Variants in MLXIPL observed in about 807,000 individuals in gnomAD.
The protein encoded by MLXIPL is MLX interacting protein like.
MLXIPL carries 49 observed loss-of-function variants against 81.5 expected under a neutral mutation model. That is an observed-to-expected ratio of 0.60 (90% CI 0.48 to 0.76). The LOEUF is 0.76. Among genes scored for constraint, MLXIPL ranks in the 30% least tolerant of loss-of-function variants. The pLI is 0.00. For missense variants in MLXIPL, 1,053 were observed against 1,167.0 expected (o/e 0.90, Z 1.42); for synonymous variants, 466 against 485.5 (o/e 0.96, Z 0.53).
the MLXIPL span, among the ~76,000 whole-genome samples, chr7:73,641,867 C>T: frequency 6.6e-6 from 1 of 152,070 alleles, no homozygotes. Flanking sequence ...AACTCCTGAC[C>T]TCATGATCCG....
chr7:73,624,186 G>T lies in MLXIPL; in HGVS notation c.293+14C>A, dbSNP rs781882456. 1.1e-5 allele frequency: 14 copies of T among 1,220,434 alleles called. No individual in the cohort carries two copies. In the South Asian group the frequency reaches 1.9e-4, roughly 16 times the overall value. 75.6% of individuals were successfully genotyped at this position (1,220,434 alleles called of 1,614,324 possible). A position where few individuals can be genotyped will look rare whatever the true frequency, so the allele number is the denominator to read the frequency against. On this transcript the variant is annotated intron_variant, in intron 1 of 16. Coordinates refer to ENST00000313375, the MANE Select transcript of MLXIPL (RefSeq NM_032951.3). ...CTGGAAGCCAAGGCCGTCAGGGCCCGGAACCGCCCTCACCTGTAGGCCAGG... is the reference window on the plus strand; with the variant it reads ...CTGGAAGCCAAGGCCGTCAGGGCCCTGAACCGCCCTCACCTGTAGGCCAGG...
the MLXIPL span, among the ~76,000 whole-genome samples, chr7:73,642,268 C>T: frequency 6.6e-6 from 1 of 152,130 alleles, no homozygotes; most frequent in Non-Finnish European, 1.5e-5. Flanking sequence ...GCATCACCCT[C>T]CTAGCACCTT....
upstream of MLXIPL, among the ~76,000 whole-genome samples, chr7:73,627,588 AG>A (rs1554604041): frequency 6.6e-6 from 1 of 152,062 alleles, no homozygotes; most frequent in Non-Finnish European, 1.5e-5. Context: ...CCCTTGGTAC[AG>A]AGGCTGACAG....
At chr7:73,641,149 C>T in the MLXIPL span, among the ~76,000 whole-genome samples, 1 of 152,030 alleles carries the variant, frequency 6.6e-6, no homozygotes. Flanking sequence ...CAAAAATTAG[C>T]CAGGTGTAGT....
Position 73,596,371 on chromosome 7 carries a change from C to T in MLXIPL, c.1931G>A (p.Ser644Asn), listed in dbSNP as rs1206223458. 1.2e-6 allele frequency: 2 copies of T among 1,612,684 alleles called. No individual in the cohort carries two copies. Among genetic ancestry groups the T allele is most frequent in the East Asian group, 2.2e-5 (1 of 44,836 alleles). ...QPILSRGRPD[S>N]NKTENRRITH... ...GTGGGGGATGGTGCCCACCTTGTTG[C>T]TGTCTGGACGGCCCCGGCTGAGGAT... is the stretch of plus-strand genomic sequence containing the variant. The change falls in exon 12 of 17, where the codon AGC becomes AAC. Residue 644 changes from serine (S) to asparagine (N), a missense_variant. By Grantham distance (46) the Ser-to-Asn change is conservative. This residue lies in a region of MLXIPL where 823 missense variants were observed against 933.0 expected (regional missense o/e 0.88). Transcript: ENST00000313375. This position sits in a 1 kb window ranked among gnomAD's most constrained non-coding sequence, Gnocchi z 4.7.
In MLXIPL at chr7:73,624,487, G is replaced by C. The variant is rs1255966424; in HGVS notation, c.6C>G (p.Ala2=). ...CCGCGGCCAGACCTGCCAGCGCGCC[G>C]GCCATGGCTGTCGCCGCCGCAACCG... M[A]GALAGLAAGL... Residue 2 remains alanine, a synonymous_variant, in exon 1 of 17, where the codon GCC becomes GCG. Transcript: ENST00000313375. 2 of 1,526,208 alleles carry C rather than the reference G, an allele frequency of 1.3e-6. No individual in the cohort carries two copies. Among genetic ancestry groups the C allele is most frequent in the African/African-American group, 1.4e-5 (1 of 71,436 alleles). The allele number at this position is 1,526,208 out of a possible 1,614,324, so 94.5% of individuals were successfully genotyped here.
rs1275849082 is a variant in MLXIPL, at chr7:73,624,294, C to A, written c.199G>T (p.Asp67Tyr). 8.2e-6 allele frequency: 13 copies of A among 1,586,384 alleles called. No individual in the cohort carries two copies. In the Admixed American group the frequency reaches 2.2e-4, roughly 26 times the overall value. ...PHSDSLPRRR[D>Y]QEGSVGPSDF... ...GAGGGCCCCACGGACCCCTCCTGGT[C>A]GCGCCGCCGGGGCAGCGAGTCGCTG... The change falls in exon 1 of 17, where the codon GAC (aspartate) becomes TAC (tyrosine). Residue 67 changes from aspartate to tyrosine, a missense_variant. Around this residue, in one of 3 missense-constraint regions of MLXIPL, gnomAD observed 226 missense variants for 216.2 expected, o/e 1.05. Coordinates refer to ENST00000313375, the MANE Select transcript of MLXIPL (RefSeq NM_032951.3).
the MLXIPL span, among the ~76,000 whole-genome samples, chr7:73,647,390 G>T: frequency 2.8e-3 from 427 of 152,242 alleles, 1 homozygote; most frequent in Middle Eastern, 0.014. Flanking sequence ...GAGCCAGAGG[G>T]AGGAAGGCCC....
chr7:73,636,550 G>A, the MLXIPL span, among the ~76,000 whole-genome samples: 1 of 152,104 alleles, frequency 6.6e-6, no homozygotes, highest in African/African-American at 2.4e-5. Flanking sequence ...GTGCCAGCAG[G>A]GTGCCAGCAG....
intron 8 of MLXIPL, among the ~76,000 whole-genome samples, chr7:73,597,952 G>A (rs114315214): frequency 5.7e-4 from 87 of 152,208 alleles, no homozygotes; most frequent in African/African-American, 1.3e-3. Flanking sequence ...CAGGAACAGC[G>A]GAGCATCAAT....
chr7:73,619,013 G>A (rs1225709028), intron 1 of MLXIPL, among the ~76,000 whole-genome samples: 20 of 152,294 alleles, frequency 1.3e-4, no homozygotes, highest in Admixed American at 9.2e-4. Context: ...GAGGAAGAGC[G>A]TAACGCTAGG....
At chr7:73,630,039 C>T in the MLXIPL span, among the ~76,000 whole-genome samples, 4 of 150,378 alleles carry the variant, frequency 2.7e-5, no homozygotes, top group African/African-American at 9.8e-5. Flanking sequence ...GCACTGTTTC[C>T]CAGGCAGGAG....
the MLXIPL span, among the ~76,000 whole-genome samples, chr7:73,631,558 CTTTTTTTTTTTTTTT>C: frequency 1.9e-4 from 13 of 69,662 alleles, no homozygotes; most frequent in Non-Finnish European, 3.2e-4. Context: ...GATGTTGCTA[CTTTTTTTTTTTTTTT>C]TTTTTTTTTT....
In MLXIPL at chr7:73,593,787, CAGAGATG is replaced by C; in HGVS notation, c.*71_*77del. 1 of 1,278,416 alleles carries C rather than the reference CAGAGATG, an allele frequency of 7.8e-7. No individual in the cohort carries two copies. 79.2% of individuals were successfully genotyped at this position (1,278,416 alleles called of 1,614,324 possible). On this transcript the variant is annotated 3_prime_UTR_variant, in exon 17 of 17. Transcript: ENST00000313375. ...GGGCCTGGGGCAGGAAGGGAGTGCCCAGAGATGATCCCTGGAGCCCGTGCCCAGGGAA... is the reference window on the plus strand; with the variant it reads ...GGGCCTGGGGCAGGAAGGGAGTGCCCATCCCTGGAGCCCGTGCCCAGGGAA...
At chr7:73,620,792 T>C (rs1796300168) in intron 1 of MLXIPL, among the ~76,000 whole-genome samples, 1 of 147,822 alleles carries the variant, frequency 6.8e-6, no homozygotes, top group South Asian at 2.1e-4. Context: ...GGCTCATACC[T>C]GTAATCCCAG....
At chr7:73,612,642 CAA>C (rs11343007) in intron 2 of MLXIPL, among the ~76,000 whole-genome samples, 147 of 112,966 alleles carry the variant, frequency 1.3e-3, no homozygotes, top group Non-Finnish European at 1.5e-3. Flanking sequence ...ACCCCCATCT[CAA>C]AAAAAAAAAA....
At chr7:73,606,343 C>T in intron 5 of MLXIPL, 1 of 589,748 alleles carries the variant, frequency 1.7e-6, no homozygotes, top group Non-Finnish European at 3.0e-6. Context: ...GGGTCCCCTT[C>T]CTGCTCTTTA....
Position 73,605,709 on chromosome 7 carries a change from C to T in MLXIPL, c.880G>A (p.Asp294Asn). The T allele has an allele frequency of 6.2e-7, 1 of 1,613,760 alleles. No individual in the cohort carries two copies. The highest frequency in any genetic ancestry group is 8.5e-7 in the Non-Finnish European group (1 of 1,179,916). ...PDLTPLQPSL[D>N]DFMDISDFFT... ...CCACCTGAGATGTCCATGAAGTCAT[C>T]CAGGCTTGGCTGCAGTGGCGTCAGG... Residue 294 changes from aspartate (D) to asparagine (N), a missense_variant, in exon 7 of 17, where the codon GAT becomes AAT. Around this residue, in one of 3 missense-constraint regions of MLXIPL, gnomAD observed 823 missense variants for 933.0 expected, o/e 0.88. Coordinates refer to ENST00000313375, the MANE Select transcript of MLXIPL (RefSeq NM_032951.3).
chr7:73,631,869 T>G, the MLXIPL span, among the ~76,000 whole-genome samples: 1 of 143,214 alleles, frequency 7.0e-6, no homozygotes, highest in South Asian at 2.5e-4. Context: ...TTCCCTTCCC[T>G]TCCCTGCCCT....
Sources: gnomAD v4.1 joint callset for allele counts (sites outside exome capture counted in the v4.1 genomes callset) on GRCh38, gnomAD v4.1.1 for gene constraint, gnomAD v4.1.1 regional missense constraint, Gnocchi (gnomAD v3.1) non-coding constraint, MANE v1.5 for transcripts, NCBI Gene and HGNC (gene_info 2026-07-23, HGNC 2026-07-21) for gene names.